The following CD300LG variants were observed in gnomAD, a reference collection of about 807,000 sequenced individuals.
The protein encoded by CD300LG is CMRF35-like molecule 9.
CD300LG carries 29 observed loss-of-function variants against 31.5 expected under a neutral mutation model. That is an observed-to-expected ratio of 0.92 (90% CI 0.68 to 1.25). The LOEUF is 1.25. CD300LG is among the 50% of genes most tolerant of loss of function. CD300LG has a pLI of 0.00. For missense variants in CD300LG, 396 were observed against 417.6 expected (o/e 0.95, Z 0.45); for synonymous variants, 175 against 177.2 (o/e 0.99, Z 0.10).
At chr17:43,857,730 G>T (rs778648238) in intron 6 of CD300LG, 25 of 1,499,552 alleles carry the variant, frequency 1.7e-5, no homozygotes, top group Non-Finnish European at 2.2e-5. Flanking sequence ...CACACAGCAG[G>T]TGGTGGCCCA....
chr17:43,853,752 A>G, intron 3 of CD300LG, 55 bp from the exon 4 acceptor site: 1 of 1,436,118 alleles, frequency 7.0e-7, no homozygotes, highest in African/African-American at 1.4e-5. Flanking sequence ...GAAGTCAGGG[A>G]TGCTGGGATG....
chr17:43,854,903 C>G (rs1209288618), intron 4 of CD300LG, among the ~76,000 whole-genome samples: 1 of 152,144 alleles, frequency 6.6e-6, no homozygotes. Flanking sequence ...AGCCATTTTA[C>G]AGAGGAGGAA....
chr17:43,860,027 C>G (rs911403658), intron 6 of CD300LG, among the ~76,000 whole-genome samples: 2 of 152,218 alleles, frequency 1.3e-5, no homozygotes, highest in African/African-American at 4.8e-5. Context: ...AGAGCCACCA[C>G]ACCCAGGCTT....
chr17:43,851,146 AAAAAAAAAAAG>A (rs1400420460), intron 2 of CD300LG, among the ~76,000 whole-genome samples: 2 of 151,040 alleles, frequency 1.3e-5, no homozygotes, highest in Non-Finnish European at 3.0e-5. Flanking sequence ...AAAAAAAAAA[AAAAAAAAAAAG>A]AAGAAGAAGT....
intron 2 of CD300LG, 93 bp from the exon 3 acceptor site, chr17:43,852,819 G>C: frequency 2.0e-6 from 2 of 1,001,278 alleles, no homozygotes; most frequent in Admixed American, 4.3e-5. Flanking sequence ...CTGTGCTGAG[G>C]TGGGGGGTAG....
Position 43,851,415 on chromosome 17 carries a change from A to G in CD300LG, c.380-1497A>G, listed in dbSNP as rs189725367. Among the ~76,000 whole-genome samples the G allele has an allele frequency of 2.2e-4, 34 of 152,218 alleles. No individual in the cohort carries two copies. The East Asian group carries it at 3.3e-3, about 15-fold the overall frequency. On this transcript the variant is annotated intron_variant, in intron 2 of 6. Transcript: ENST00000317310. ...TGCTGAATCGGCAGATATAATGCAA[A>G]TATTCTGAAATCTGAAACACTTCTG...
chr17:43,848,665 T>G lies in CD300LG; in HGVS notation c.151T>G (p.Cys51Gly), dbSNP rs760783261. Residue 51 changes from cysteine (C) to glycine (G), a missense_variant, in exon 2 of 7, where the codon TGC (cysteine) becomes GGC (glycine). Physicochemically the swap from Cys to Gly is radical, Grantham distance 159. Coordinates refer to ENST00000317310, the MANE Select transcript of CD300LG (RefSeq NM_145273.4). ...EELRDHRKYW[C>G]RKGGILFSRC... ...GCTGAGGGACCACCGGAAGTACTGG[T>G]GCAGGAAGGGTGGGATCCTCTTCTC... 1 of 1,614,076 alleles carries G rather than the reference T, an allele frequency of 6.2e-7. No homozygotes were observed. Among genetic ancestry groups the G allele is most frequent in the South Asian group, 1.1e-5 (1 of 91,072 alleles).
intron 3 of CD300LG, among the ~76,000 whole-genome samples, chr17:43,853,555 A>G (rs1415372245): frequency 1.3e-5 from 2 of 152,170 alleles, no homozygotes; most frequent in East Asian, 1.9e-4. Flanking sequence ...ACCTCCTCAC[A>G]GAGGCAACAA....
At chr17:43,849,409 A>T (rs2046285358) in intron 2 of CD300LG, 1 of 165,772 alleles carries the variant, frequency 6.0e-6, no homozygotes, top group Non-Finnish European at 1.3e-5. Context: ...GTCCAGCCAC[A>T]GGTGCTAGAG....
Position 43,848,819 on chromosome 17 carries a change from C to T in CD300LG, c.305C>T (p.Ala102Val). The T allele has an allele frequency of 6.2e-7, 1 of 1,614,124 alleles. No homozygotes were observed. The highest frequency in any genetic ancestry group is 8.5e-7 in the Non-Finnish European group (1 of 1,180,028). Residue 102 changes from alanine to valine, a missense_variant, in exon 2 of 7, where the codon GCT becomes GTT. Coordinates refer to ENST00000317310, the MANE Select transcript of CD300LG (RefSeq NM_145273.4). ...VTLWNLTLQD[A>V]GEYWCGVEKR... ...CTGTGGAACCTCACCCTGCAAGACGCTGGGGAGTACTGGTGTGGGGTCGAA... is the reference window on the plus strand; with the variant it reads ...CTGTGGAACCTCACCCTGCAAGACGTTGGGGAGTACTGGTGTGGGGTCGAA...
chr17:43,853,798 G>A lies in CD300LG; in HGVS notation c.482-9G>A. On this transcript the variant is annotated splice_polypyrimidine_tract_variant and intron_variant, in intron 3 of 6. Transcript: ENST00000317310. The stretch of plus-strand genomic sequence containing the variant: ...GAAGGATGCTGAGGCATTGCTTTTG[G>A]ACTTGTAGCTTCTCCTGGGCTCTAC... 6.2e-7 allele frequency: 1 copy of A among 1,610,240 alleles called. No individual in the cohort carries two copies. Among genetic ancestry groups the A allele is most frequent in the East Asian group, 2.2e-5 (1 of 44,848 alleles).
chr17:43,849,393 A>G (rs1320514351), intron 2 of CD300LG: 3 of 172,258 alleles, frequency 1.7e-5, no homozygotes, highest in Admixed American at 1.7e-4. Context: ...CTCCCCAGAT[A>G]TTGAAGTCCA....
intron 1 of CD300LG, among the ~76,000 whole-genome samples, chr17:43,848,220 C>T (rs749037521): frequency 6.6e-5 from 10 of 152,162 alleles, no homozygotes; most frequent in African/African-American, 1.4e-4. Context: ...CCAGCCTGGG[C>T]GGCAAAGTGA....
intron 4 of CD300LG, among the ~76,000 whole-genome samples, chr17:43,854,879 T>A (rs1481716004): frequency 6.6e-6 from 1 of 152,166 alleles, no homozygotes; most frequent in Non-Finnish European, 1.5e-5. Flanking sequence ...CCTCACCCAT[T>A]TGATCCTCAC....
intron 2 of CD300LG, 113 bp downstream of exon 2, chr17:43,849,006 GATC>G: frequency 1.1e-6 from 1 of 931,640 alleles, no homozygotes; most frequent in South Asian, 1.6e-5. Flanking sequence ...TCCTCAGGGA[GATC>G]ATGCAGGTCA....
At chr17:43,853,697 G>A (rs1398354445) in intron 3 of CD300LG, 110 bp from the exon 4 acceptor site, 21 of 857,284 alleles carry the variant, frequency 2.4e-5, no homozygotes, top group African/African-American at 5.1e-5. Context: ...GGGATGTTCC[G>A]AGAAACGGGT....
At position 43,852,968 on chromosome 17, in the gene CD300LG, C is replaced by T. The variant is rs1193042178; in HGVS notation, c.436C>T (p.Leu146=). The T allele has an allele frequency of 1.2e-6, 2 of 1,612,754 alleles. No homozygotes were observed. Among genetic ancestry groups the T allele is most frequent in the Admixed American group, 3.3e-5 (2 of 59,822 alleles). The part of the protein sequence containing the change: ...PTFQPLATTR[L]QPKAKAQQTQ... ...CTTCCAGCCTCTGGCTACAACACGC[C>T]TGCAGCCCAAGGCAAAAGCTCAGCA... is the stretch of plus-strand genomic sequence containing the variant. Residue 146 remains leucine, a synonymous_variant, in exon 3 of 7, where the codon CTG becomes TTG. Coordinates refer to ENST00000317310, the MANE Select transcript of CD300LG (RefSeq NM_145273.4).
chr17:43,856,487 A>C (rs2046523517), intron 5 of CD300LG, among the ~76,000 whole-genome samples: 2 of 152,226 alleles, frequency 1.3e-5, no homozygotes, highest in African/African-American at 4.8e-5. Context: ...CTTTGTTTGC[A>C]TAGCTAAGAA....
Position 43,854,026 on chromosome 17 carries a change from G to A in CD300LG, c.701G>A (p.Ser234Asn). The A allele has an allele frequency of 6.2e-7, 1 of 1,613,982 alleles. No homozygotes were observed. The highest frequency in any genetic ancestry group is 8.5e-7 in the Non-Finnish European group (1 of 1,179,866). Reference sequence around the variant, plus strand: ...GAGGACACCAGTCCAGCTCTCAGCAGTGGCAGCTCTAAGCCCAGGTGAGCC... The same window carrying A: ...GAGGACACCAGTCCAGCTCTCAGCAATGGCAGCTCTAAGCCCAGGTGAGCC... ...SAEDTSPALS[S>N]GSSKPRVSIP... is the part of the protein sequence containing the mutation. The change falls in exon 4 of 7, where the codon AGT becomes AAT. Residue 234 changes from serine (S) to asparagine (N), a missense_variant. Ser to Asn is a conservative substitution (Grantham distance 46). Transcript: ENST00000317310.
Sources: allele counts gnomAD v4.1 joint callset (sites outside exome capture counted in the v4.1 genomes callset), GRCh38; gene constraint gnomAD v4.1.1; transcripts MANE v1.5; gene names NCBI Gene and HGNC (gene_info 2026-07-23, HGNC 2026-07-21).